The following CORO7 variants were observed in gnomAD, a reference collection of about 807,000 sequenced individuals.
CORO7 encodes the protein coronin 7.
A neutral mutation model predicts 126.6 loss-of-function variants in CORO7; 107 were observed. The observed-to-expected ratio is 0.85, with a 90% CI of 0.72 to 0.99. The LOEUF is 0.99. Among genes scored for constraint, CORO7 ranks in the 50% least tolerant of loss-of-function variants. The probability of loss-of-function intolerance (pLI) is 0.00; values close to 1 mark genes in which losing one functional copy is unlikely to be tolerated. For missense variants in CORO7, 1,314 were observed against 1,255.8 expected, an observed-to-expected ratio of 1.05 and a Z score of -0.70; for synonymous variants, 603 against 536.8, an observed-to-expected ratio of 1.12 and a Z score of -1.70.
chr16:4,360,895 T>C (rs771878505), intron 19 of CORO7, 48 bp downstream of exon 19: 2 of 1,567,710 alleles, frequency 1.3e-6, no homozygotes, highest in South Asian at 1.1e-5. Flanking sequence ...TCCACACTGC[T>C]GGCCCCGCCT....
intron 1 of CORO7, chr16:4,414,548 G>A (rs2056336696): frequency 6.6e-6 from 1 of 152,190 alleles, no homozygotes; most frequent in South Asian, 2.1e-4. Context: ...ACCTGCCATG[G>A]TTACAGCATC....
Position 4,360,339 on chromosome 16 carries a change from G to T in CORO7, c.2047C>A (p.Arg683Ser). Reference protein sequence around the residue: ...LQEGPGPKGGRGARIVWVCDG... With the variant: ...LQEGPGPKGGSGARIVWVCDG... Reference sequence around the variant, plus strand: ...CATACCCAGACAATGCGAGCTCCGCGTCCTCCCTTGGGCCCTGGGCCTTCC... The same window carrying T: ...CATACCCAGACAATGCGAGCTCCGCTTCCTCCCTTGGGCCCTGGGCCTTCC... Residue 683 changes from arginine to serine, a missense_variant, in exon 21 of 28, where the codon CGC (arginine) becomes AGC (serine). Transcript: ENST00000251166. The T allele has an allele frequency of 6.2e-7, 1 of 1,613,652 alleles. No individual in the cohort carries two copies.
rs201451820 is a variant in CORO7, at chr16:4,361,079, G to A, written c.1781C>T (p.Thr594Met). ...GAAGCGCAGGGAGCAGATCTTCTCC[G>A]TGTGGCCTGGAGGAAGGCAGGGGTG... ...TTPETVLTGH[T>M]EKICSLRFHP... The change falls in exon 19 of 28, where the codon ACG becomes ATG. Residue 594 changes from threonine to methionine, a missense_variant. Transcript: ENST00000251166. 31 of 1,613,368 alleles carry A rather than the reference G, an allele frequency of 1.9e-5. No individual in the cohort carries two copies. The highest frequency in any genetic ancestry group is 8.3e-5 in the Admixed American group (5 of 60,022).
intron 8 of CORO7, among the ~76,000 whole-genome samples, chr16:4,388,302 C>T (rs936233525): frequency 4.0e-4 from 61 of 152,284 alleles, no homozygotes; most frequent in African/African-American, 1.2e-3. Context: ...TCTGTGTTCT[C>T]GGGTCCCTGT....
rs1390021975 is a variant in CORO7 at position 4,364,985 on chromosome 16, C to T, written c.898+18G>A. 11 of 1,604,788 alleles carry T rather than the reference C, an allele frequency of 6.9e-6. No individual in the cohort carries two copies. The highest frequency in any genetic ancestry group is 5.1e-5 in the Admixed American group (3 of 58,770). On this transcript the variant is annotated intron_variant, in intron 11 of 27. Coordinates refer to ENST00000251166, the MANE Select transcript of CORO7 (RefSeq NM_024535.5). ...GGGAGGGGAGGGTAGGGGATGGGGG[C>T]GAGGAAGCAAGGCTTACCTGGGCTC...
intron 26 of CORO7, among the ~76,000 whole-genome samples, chr16:4,356,003 G>A (rs1176010667): frequency 1.3e-5 from 2 of 151,796 alleles, no homozygotes; most frequent in Non-Finnish European, 2.9e-5. Context: ...GCCTAGGCTG[G>A]AGTGCAATGG....
chr16:4,364,838 T>C lies in CORO7; in HGVS notation c.981A>G (p.Val327=), dbSNP rs752375939. ...RQALAVMSCE[V]LRVLQLSDTA... ...TGTCGCTCAGCTGTAGGACGCGGAG[T>C]ACCTCGCAGCTCATGACGGCCAGCG... Residue 327 remains valine (V), a synonymous_variant, in exon 12 of 28, where the codon GTA becomes GTG. Coordinates refer to ENST00000251166, the MANE Select transcript of CORO7 (RefSeq NM_024535.5). 1 of 1,611,822 alleles carries C rather than the reference T, an allele frequency of 6.2e-7. No individual in the cohort carries two copies. Among genetic ancestry groups the C allele is most frequent in the Non-Finnish European group, 8.5e-7 (1 of 1,179,808 alleles).
chr16:4,367,986 C>T (rs1177129038), intron 9 of CORO7, among the ~76,000 whole-genome samples: 1 of 152,010 alleles, frequency 6.6e-6, no homozygotes, highest in Non-Finnish European at 1.5e-5. Context: ...ATCACTTGAG[C>T]CCAGTAGGTC....
intron 9 of CORO7, 83 bp from the exon 10 acceptor site, chr16:4,365,628 G>C: frequency 6.6e-7 from 1 of 1,519,020 alleles, no homozygotes; most frequent in Non-Finnish European, 8.9e-7. Context: ...CCCAGGACAG[G>C]CACCACAGTG....
chr16:4,394,448 CAAAA>C (rs569253246), intron 7 of CORO7, among the ~76,000 whole-genome samples: 3 of 61,710 alleles, frequency 4.9e-5, no homozygotes, highest in Non-Finnish European at 7.0e-5. Context: ...GACTCCGTCT[CAAAA>C]AAAAAAAAAA....
At position 4,415,212 on chromosome 16, in the gene CORO7, G is replaced by A. The variant is rs577903656; in HGVS notation, c.60+1247C>T. ...ATCAGAATAAAACCCAACTTCTTCCGGTGGCCCTTGGGTTCTGCAGGACCA... is the reference window on the plus strand; with the variant it reads ...ATCAGAATAAAACCCAACTTCTTCCAGTGGCCCTTGGGTTCTGCAGGACCA... On this transcript the variant is annotated intron_variant, in intron 1 of 27. Coordinates refer to ENST00000251166, the MANE Select transcript of CORO7 (RefSeq NM_024535.5). Among the ~76,000 whole-genome samples, 30 of 152,016 alleles carry A rather than the reference G, an allele frequency of 2.0e-4. No homozygotes were observed. In the South Asian group the frequency reaches 4.6e-3, roughly 23 times the overall value.
At chr16:4,369,323 G>C (rs115845959) in intron 9 of CORO7, among the ~76,000 whole-genome samples, 4,717 of 152,370 alleles carry the variant, frequency 0.031, 256 homozygotes, top group African/African-American at 0.11. Context: ...TGTGTGAAGA[G>C]AGCCAAGCTG....
In CORO7 at chr16:4,409,413, G is replaced by A. The variant is rs78555460; in HGVS notation, c.233-1162C>T. Reference sequence around the variant, plus strand: ...CAGGTGTAGCAGCTGGCACAGGCGGGCTGGCATCTCAGGCGTGAATGAGAT... The same window carrying A: ...CAGGTGTAGCAGCTGGCACAGGCGGACTGGCATCTCAGGCGTGAATGAGAT... On this transcript the variant is annotated intron_variant, in intron 3 of 27. Transcript: ENST00000251166. Among the ~76,000 whole-genome samples the A allele has an allele frequency of 7.6e-3, 1,162 of 152,362 alleles. 10 individuals carry two copies. The highest frequency in any genetic ancestry group is 0.031 in the Middle Eastern group (9 of 294).
chr16:4,358,498 G>T lies in CORO7; in HGVS notation c.2341-15C>A. 1 of 1,574,372 alleles carries T rather than the reference G, an allele frequency of 6.4e-7. No homozygotes were observed. On this transcript the variant is annotated splice_polypyrimidine_tract_variant and intron_variant, in intron 23 of 27. Coordinates refer to ENST00000251166, the MANE Select transcript of CORO7 (RefSeq NM_024535.5). ...AGGACGAGGCCCTGGGGGAGCAAGG[G>T]AGTCGGAGCTGCCGCTGGGACCTAG...
chr16:4,396,260 G>A (rs1458462152), intron 6 of CORO7, among the ~76,000 whole-genome samples: 1 of 151,918 alleles, frequency 6.6e-6, no homozygotes, highest in Non-Finnish European at 1.5e-5. Context: ...TTGTATTTTT[G>A]GTAGAGACGG....
chr16:4,359,707 C>T (rs1049103092), intron 21 of CORO7, 86 bp from the exon 22 acceptor site: 18 of 1,493,256 alleles, frequency 1.2e-5, no homozygotes, highest in Non-Finnish European at 1.6e-5. Flanking sequence ...AGCCCCTGCT[C>T]TGTTCTGGGT....
At position 4,393,741 on chromosome 16, in the gene CORO7, A is replaced by G. The variant is rs140283218; in HGVS notation, c.615+1548T>C. 1.1e-3 allele frequency among the ~76,000 whole-genome samples: 171 copies of G among 152,324 alleles called. 1 individual carries two copies. Among genetic ancestry groups the G allele is most frequent in the African/African-American group, 4.0e-3 (167 of 41,568 alleles). On this transcript the variant is annotated intron_variant, in intron 7 of 27. Transcript: ENST00000251166. Reference sequence around the variant, plus strand: ...GGAGCTCCTCTCCTGAGCTAACAGTAGGACCCTAAACTTCACCTTCCTCAG... The same window carrying G: ...GGAGCTCCTCTCCTGAGCTAACAGTGGGACCCTAAACTTCACCTTCCTCAG...
At chr16:4,397,206 G>A (rs182785578) in intron 6 of CORO7, 1 of 152,144 alleles carries the variant, frequency 6.6e-6, no homozygotes, top group African/African-American at 2.4e-5. Flanking sequence ...CACTCAGGGA[G>A]GCTGAAGCGG....
chr16:4,361,684 T>A lies in CORO7; in HGVS notation c.1579-215A>T, dbSNP rs574966106. 3.1e-4 allele frequency: 245 copies of A among 792,610 alleles called. 1 individual carries two copies. The South Asian group carries it at 3.5e-3, about 11-fold the overall frequency. The allele number at this position is 792,610 out of a possible 1,614,324, so 49.1% of individuals were successfully genotyped here. On this transcript the variant is annotated intron_variant, in intron 16 of 27. Transcript: ENST00000251166. ...AGAGTGAGGGGGCAGCAGCGTGAACTGGCGGGAAAAGCTCCGGCTTAGGGC... is the reference window on the plus strand; with the variant it reads ...AGAGTGAGGGGGCAGCAGCGTGAACAGGCGGGAAAAGCTCCGGCTTAGGGC...
Sources: gnomAD v4.1 joint callset for allele counts (sites outside exome capture counted in the v4.1 genomes callset) on GRCh38, gnomAD v4.1.1 for gene constraint, MANE v1.5 for transcripts, NCBI Gene and HGNC (gene_info 2026-07-23, HGNC 2026-07-21) for gene names.